Variants in ADAMTS17 observed in about 807,000 individuals in gnomAD.
ADAMTS17 encodes the protein ADAM metallopeptidase with thrombospondin type 1 motif 17.
Under a neutral mutation model 141.5 loss-of-function variants are expected in ADAMTS17, and 113 were observed. That is an observed-to-expected ratio of 0.80 (90% confidence interval 0.69 to 0.93). The LOEUF is 0.93. ADAMTS17 is among the 40% of genes least tolerant of loss of function. The pLI is 0.00. For synonymous variants in ADAMTS17, 768 were observed against 630.6 expected (o/e 1.22, Z -3.27); for missense variants, 1,659 against 1,517.9 (o/e 1.09, Z -1.54).
intron 4 of ADAMTS17, among the ~76,000 whole-genome samples, chr15:100,274,365 A>T (rs999692989): frequency 2.0e-5 from 3 of 152,192 alleles, no homozygotes; most frequent in Non-Finnish European, 4.4e-5. Flanking sequence ...AGATGTGTAA[A>T]TATTTATAAC....
chr15:100,271,819 CAA>C (rs1336204671), intron 4 of ADAMTS17, among the ~76,000 whole-genome samples: 1 of 152,162 alleles, frequency 6.6e-6, no homozygotes, highest in African/African-American at 2.4e-5. Flanking sequence ...TCAAATCTCA[CAA>C]AACTTTTCCG....
Position 100,116,875 on chromosome 15 carries a change from T to C in ADAMTS17, c.1860A>G (p.Lys620=), listed in dbSNP as rs777904402. ...CAACCACCACGGCTGTCAGCAGGCC[T>C]TTCTTCTTGGGGCTCAGCCGGTCGT... is the stretch of plus-strand genomic sequence containing the variant. ...QAHDRLSPKK[K]GLLTAVVVDD... Residue 620 remains lysine, a synonymous_variant, in exon 13 of 22, where the codon AAA becomes AAG. Transcript: ENST00000268070. The C allele has an allele frequency of 6.2e-7, 1 of 1,614,186 alleles. No individual in the cohort carries two copies. Among genetic ancestry groups the C allele is most frequent in the Admixed American group, 1.7e-5 (1 of 60,030 alleles).
chr15:100,274,814 A>AT (rs1196233567), intron 4 of ADAMTS17, among the ~76,000 whole-genome samples: 9 of 149,942 alleles, frequency 6.0e-5, no homozygotes, highest in Admixed American at 1.3e-4. Context: ...GTATACATAT[A>AT]TTTTTTTTTG....
intron 10 of ADAMTS17, among the ~76,000 whole-genome samples, chr15:100,145,551 TGGAC>T (rs775086029): frequency 2.4e-4 from 36 of 152,212 alleles, no homozygotes; most frequent in Non-Finnish European, 4.6e-4. Context: ...ATGAGAAAAC[TGGAC>T]CATTAGTACT....
chr15:100,136,608 T>A (rs1487311453), intron 10 of ADAMTS17, among the ~76,000 whole-genome samples: 4 of 152,236 alleles, frequency 2.6e-5, no homozygotes, highest in Admixed American at 6.5e-5. Context: ...GGGCTTTCTC[T>A]ATTTTTTCCA....
At chr15:100,338,042 C>T (rs950782875) in intron 2 of ADAMTS17, among the ~76,000 whole-genome samples, 1 of 152,174 alleles carries the variant, frequency 6.6e-6, no homozygotes, top group South Asian at 2.1e-4. Flanking sequence ...AAAACCCATG[C>T]TCTAAAGACT....
At chr15:100,329,301 G>T (rs1017182393) in intron 3 of ADAMTS17, among the ~76,000 whole-genome samples, 7 of 152,146 alleles carry the variant, frequency 4.6e-5, no homozygotes, top group Admixed American at 2.6e-4. Flanking sequence ...GACTTTGGCA[G>T]GCCAAGGCGA....
At chr15:100,178,574 ATTCTGTTGTTCTTTTACTATTG>A (rs1224592294) in intron 8 of ADAMTS17, among the ~76,000 whole-genome samples, 1 of 152,080 alleles carries the variant, frequency 6.6e-6, no homozygotes, top group Non-Finnish European at 1.5e-5. Flanking sequence ...ACTTTTACCC[ATTCTGTTGTTCTTTTACTATTG>A]TTCTGTTGTT....
rs544928634 is a variant in ADAMTS17 at position 100,203,024 on chromosome 15, G to A, written c.1076-3601C>T. 1.0e-3 allele frequency among the ~76,000 whole-genome samples: 157 copies of A among 152,252 alleles called. 1 individual carries two copies. The highest frequency in any genetic ancestry group is 2.8e-3 in the African/African-American group (118 of 41,546). On this transcript the variant is annotated intron_variant, in intron 7 of 21. Coordinates refer to ENST00000268070, the MANE Select transcript of ADAMTS17 (RefSeq NM_139057.4). ...ATTCCACATGTTTGCATAGTTTCTC[G>A]TAACAAAACGGAGGCAGAAAGGCAA...
intron 10 of ADAMTS17, among the ~76,000 whole-genome samples, chr15:100,146,439 T>C (rs921159966): frequency 6.6e-6 from 1 of 152,248 alleles, no homozygotes; most frequent in Admixed American, 6.5e-5. Flanking sequence ...ATCAATACCC[T>C]TGTGATTTCC....
intron 8 of ADAMTS17, among the ~76,000 whole-genome samples, chr15:100,164,558 G>C (rs1026478707): frequency 6.6e-6 from 1 of 152,212 alleles, no homozygotes; most frequent in Non-Finnish European, 1.5e-5. Flanking sequence ...CAGTGGAGAA[G>C]AATGGCCTTG....
intron 3 of ADAMTS17, among the ~76,000 whole-genome samples, chr15:100,321,593 T>C (rs1453347000): frequency 2.0e-5 from 3 of 152,150 alleles, no homozygotes; most frequent in East Asian, 3.9e-4. Context: ...GACAAAAGTA[T>C]TGGCAGGGAT....
intron 18 of ADAMTS17, among the ~76,000 whole-genome samples, chr15:100,033,891 C>T (rs1027084329): frequency 3.9e-5 from 6 of 152,212 alleles, no homozygotes; most frequent in African/African-American, 1.4e-4. Context: ...GCCAGTGGTG[C>T]CACGATCACC....
rs199838182 is a variant in ADAMTS17 at position 100,053,910 on chromosome 15, G to A, written c.2282C>T (p.Pro761Leu). The A allele has an allele frequency of 1.5e-5, 25 of 1,614,150 alleles. No homozygotes were observed. The highest frequency in any genetic ancestry group is 1.3e-4 in the Admixed American group (8 of 60,022). ...KISAKGPTKL[P>L]LHLMVLLFHD... ...CCAGCAAGTTACCATCAAGTGCAGCGGTAGTTTGGTTGGTCCCTTGGCAGA... is the reference window on the plus strand; with the variant it reads ...CCAGCAAGTTACCATCAAGTGCAGCAGTAGTTTGGTTGGTCCCTTGGCAGA... The change falls in exon 16 of 22, where the codon CCG becomes CTG. Residue 761 changes from proline to leucine, a missense_variant. Coordinates refer to ENST00000268070, the MANE Select transcript of ADAMTS17 (RefSeq NM_139057.4).
chr15:100,145,139 ATCC>A, intron 10 of ADAMTS17, among the ~76,000 whole-genome samples: 1 of 152,246 alleles, frequency 6.6e-6, no homozygotes, highest in African/African-American at 2.4e-5. Flanking sequence ...ATACACACAC[ATCC>A]CCCAAAACTG....
intron 15 of ADAMTS17, among the ~76,000 whole-genome samples, chr15:100,083,755 T>G (rs1486169488): frequency 6.7e-6 from 1 of 149,702 alleles, no homozygotes; most frequent in Non-Finnish European, 1.5e-5. Context: ...TCATCTAGTA[T>G]GATGCTTTCC....
intron 18 of ADAMTS17, among the ~76,000 whole-genome samples, chr15:99,998,256 TG>T (rs769836747): frequency 3.3e-5 from 5 of 152,168 alleles, no homozygotes; most frequent in Non-Finnish European, 5.9e-5. Flanking sequence ...TGGCACGTTG[TG>T]GGCCATGGGA....
chr15:100,235,670 C>A (rs542514850), intron 7 of ADAMTS17, among the ~76,000 whole-genome samples: 1 of 152,302 alleles, frequency 6.6e-6, no homozygotes, highest in Non-Finnish European at 1.5e-5. Context: ...CTTTGAGAAC[C>A]ATTCGCTTCG....
chr15:100,302,736 C>G (rs2045085245), intron 3 of ADAMTS17, among the ~76,000 whole-genome samples: 1 of 152,286 alleles, frequency 6.6e-6, no homozygotes, highest in East Asian at 1.9e-4. Flanking sequence ...GTCAATTTGA[C>G]TGGATTGAAG....
Sources: allele counts gnomAD v4.1 joint callset (sites outside exome capture counted in the v4.1 genomes callset), GRCh38; gene constraint gnomAD v4.1.1; transcripts MANE v1.5; gene names NCBI Gene and HGNC (gene_info 2026-07-23, HGNC 2026-07-21).